Variants in KIF13A observed in about 807,000 individuals in gnomAD.
KIF13A encodes kinesin family member 13A, also known as kinesin-like protein KIF13A.
In KIF13A, 79 loss-of-function variants were observed where a neutral mutation model predicts 212.2. The observed-to-expected ratio is 0.37, with a 90% CI of 0.31 to 0.45. KIF13A has a LOEUF of 0.45. KIF13A is among the 20% of genes least tolerant of loss of function. The pLI is 1.00. For synonymous variants in KIF13A, 789 were observed against 808.6 expected (o/e 0.98, Z 0.41); for missense variants, 1,901 against 2,209.0 (o/e 0.86, Z 2.79).
In KIF13A at chr6:17,843,826, C is replaced by T. The variant is rs899357427; in HGVS notation, c.830+5551G>A. ...TTTGGAGGCCGAGGGGGGCACATCA[C>T]CTGAGGTCAGGAGTTTGAGACCAGC... On this transcript the variant is annotated intron_variant, in intron 9 of 38. Coordinates refer to ENST00000259711, the MANE Select transcript of KIF13A (RefSeq NM_022113.6). This position sits in a 1 kb window ranked among gnomAD's most constrained non-coding sequence, Gnocchi z 5.3. Among the ~76,000 whole-genome samples, 1 of 152,118 alleles carries T rather than the reference C, an allele frequency of 6.6e-6. No individual in the cohort carries two copies. Among genetic ancestry groups the T allele is most frequent in the Non-Finnish European group, 1.5e-5 (1 of 68,024 alleles).
chr6:17,856,258 T>C lies in KIF13A; in HGVS notation c.221-136A>G, dbSNP rs977629796. On this transcript the variant is annotated intron_variant, in intron 4 of 38. Transcript: ENST00000259711. This position sits in a 1 kb window ranked among gnomAD's most constrained non-coding sequence, Gnocchi z 4.5. ...CGAGTGCCCACTAAGTACAGGGCTG[T>C]GTATTAAGAGCTTGATATATGCAAT... 9 of 620,838 alleles carry C rather than the reference T, an allele frequency of 1.4e-5. No individual in the cohort carries two copies. The highest frequency in any genetic ancestry group is 2.6e-5 in the Non-Finnish European group (9 of 352,618). 38.5% of individuals were successfully genotyped at this position (620,838 alleles called of 1,614,324 possible).
chr6:17,965,280 T>C (rs775519685), intron 2 of KIF13A, among the ~76,000 whole-genome samples: 2 of 152,038 alleles, frequency 1.3e-5, no homozygotes, highest in Admixed American at 1.3e-4. Context: ...TGTCTGCAAA[T>C]TTACTTAGGT....
At chr6:17,920,181 C>A (rs773018191) in intron 2 of KIF13A, among the ~76,000 whole-genome samples, 2 of 152,046 alleles carry the variant, frequency 1.3e-5, no homozygotes, top group East Asian at 1.9e-4. Flanking sequence ...CAATGAGGCA[C>A]GAAATGAAAA....
chr6:17,949,269 ATAAGT>A (rs1239971372), intron 2 of KIF13A, among the ~76,000 whole-genome samples: 1 of 152,204 alleles, frequency 6.6e-6, no homozygotes. Flanking sequence ...TAGCTCAATG[ATAAGT>A]TAATTACTAG....
At position 17,984,155 on chromosome 6, in the gene KIF13A, A is replaced by G. The variant is rs1032387450; in HGVS notation, c.146+2899T>C. 6.6e-6 allele frequency among the ~76,000 whole-genome samples: 1 copy of G among 152,192 alleles called. No homozygotes were observed. The highest frequency in any genetic ancestry group is 1.5e-5 in the Non-Finnish European group (1 of 68,034). On this transcript the variant is annotated intron_variant, in intron 2 of 38. Transcript: ENST00000259711. The surrounding 1 kb of genome is among the most constrained non-coding windows in gnomAD (Gnocchi z 5.0). Reference sequence around the variant, plus strand: ...GAAAGAGGAAACAGAGAATTTTGAAATTATGTGGTTCATGAAATGGCAAAA... The same window carrying G: ...GAAAGAGGAAACAGAGAATTTTGAAGTTATGTGGTTCATGAAATGGCAAAA...
rs369532909 is a variant in KIF13A, at chr6:17,764,070, C to T, written c.*40G>A. 320 of 1,579,154 alleles carry T rather than the reference C, an allele frequency of 2.0e-4. No homozygotes were observed. The highest frequency in any genetic ancestry group is 2.6e-4 in the Non-Finnish European group (298 of 1,161,750). ...ATGAATCTTTCCTACCAAGTTGTTG[C>T]GGTGAAGGGCCTCTGGGGTTGACAT... On this transcript the variant is annotated 3_prime_UTR_variant, in exon 39 of 39. Coordinates refer to ENST00000259711, the MANE Select transcript of KIF13A (RefSeq NM_022113.6). The surrounding 1 kb of genome is among the most constrained non-coding windows in gnomAD (Gnocchi z 5.1).
Position 17,811,433 on chromosome 6 carries a change from C to T in KIF13A, c.2001-2503G>A, listed in dbSNP as rs1763414158. 6.6e-6 allele frequency among the ~76,000 whole-genome samples: 1 copy of T among 152,206 alleles called. No homozygotes were observed. Among genetic ancestry groups the T allele is most frequent in the Non-Finnish European group, 1.5e-5 (1 of 68,046 alleles). ...AACAAATAACTATTAATATATAATCCTAACGTTTCCTATTGTTGAATGAAA... is the reference window on the plus strand; with the variant it reads ...AACAAATAACTATTAATATATAATCTTAACGTTTCCTATTGTTGAATGAAA... On this transcript the variant is annotated intron_variant, in intron 17 of 38. Transcript: ENST00000259711. The surrounding 1 kb of genome is among the most constrained non-coding windows in gnomAD (Gnocchi z 6.0).
In KIF13A at chr6:17,787,923, G is replaced by A. The variant is rs548703811; in HGVS notation, c.3262-48C>T. 2.4e-5 allele frequency: 24 copies of A among 995,776 alleles called. No individual in the cohort carries two copies. Among genetic ancestry groups the A allele is most frequent in the South Asian group, 1.5e-4 (11 of 72,562 alleles). The allele number at this position is 995,776 out of a possible 1,614,324, so 61.7% of individuals were successfully genotyped here. ...TTTTCCTGTAGACTGCACAGACAACGATTTCTTTCTTTCTTTTTTTAAAAG... is the reference window on the plus strand; with the variant it reads ...TTTTCCTGTAGACTGCACAGACAACAATTTCTTTCTTTCTTTTTTTAAAAG... On this transcript the variant is annotated intron_variant, in intron 26 of 38. Coordinates refer to ENST00000259711, the MANE Select transcript of KIF13A (RefSeq NM_022113.6). The surrounding 1 kb of genome is among the most constrained non-coding windows in gnomAD (Gnocchi z 4.6).
chr6:17,985,640 T>TGGGGGGGGGGGGGGGGGGGGGGG (rs1457148104), intron 2 of KIF13A, among the ~76,000 whole-genome samples: 1 of 40,886 alleles, frequency 2.4e-5, no homozygotes, highest in Non-Finnish European at 4.2e-5. Context: ...TGCGGGGGGG[T>TGGGGGGGGGGGGGGGGGGGGGGG]GGGGGGAGGG....
intron 2 of KIF13A, among the ~76,000 whole-genome samples, chr6:17,943,730 C>T (rs1777142959): frequency 6.6e-6 from 1 of 152,120 alleles, no homozygotes; most frequent in South Asian, 2.1e-4. Flanking sequence ...AATAACTAAA[C>T]TCTATAAAGC....
chr6:17,937,755 T>TG (rs1007455012), intron 2 of KIF13A, among the ~76,000 whole-genome samples: 16 of 137,310 alleles, frequency 1.2e-4, no homozygotes, highest in South Asian at 9.9e-4. Flanking sequence ...TGTTTTTTTT[T>TG]TTTTGTTTTT....
chr6:17,805,096 C>CG (rs1762827421), intron 19 of KIF13A, among the ~76,000 whole-genome samples: 2 of 152,016 alleles, frequency 1.3e-5, no homozygotes, highest in South Asian at 4.1e-4. Flanking sequence ...GGTGCGTGAA[C>CG]ACACATTAAT....
chr6:17,823,642 AT>A (rs2150362590), intron 16 of KIF13A, among the ~76,000 whole-genome samples: 1 of 151,406 alleles, frequency 6.6e-6, no homozygotes, highest in East Asian at 2.0e-4. Flanking sequence ...TAATTTTTGT[AT>A]TTTTAGTAGA....
In KIF13A at chr6:17,829,701, C is replaced by T. The variant is rs3927461; in HGVS notation, c.1402-1331G>A. Among the ~76,000 whole-genome samples the T allele has an allele frequency of 0.43, 65,442 of 151,864 alleles. 15,056 individuals are homozygous for T. Among genetic ancestry groups the T allele is most frequent in the South Asian group, 0.54 (2,596 of 4,812 alleles). On this transcript the variant is annotated intron_variant, in intron 13 of 38. Coordinates refer to ENST00000259711, the MANE Select transcript of KIF13A (RefSeq NM_022113.6). The surrounding 1 kb of genome is among the most constrained non-coding windows in gnomAD (Gnocchi z 5.4). The stretch of plus-strand genomic sequence containing the variant: ...AGTATAAGGATTGGTCTTTCAAAAT[C>T]AGGATTTCAGAGACAATTCCTTACC...
At chr6:17,940,824 T>TTA (rs796188430) in intron 2 of KIF13A, among the ~76,000 whole-genome samples, 6 of 26,338 alleles carry the variant, frequency 2.3e-4, no homozygotes, top group South Asian at 2.1e-3. Context: ...TTTATTTTTT[T>TTA]TTTTTTTTTT....
In KIF13A at chr6:17,982,465, A is replaced by C; in HGVS notation, c.146+4589T>G. Reference sequence around the variant, plus strand: ...GATACCGCTGGTGAATAAACTAAAAAATACATACAAAGTTTAGTAAGAGGA... The same window carrying C: ...GATACCGCTGGTGAATAAACTAAAACATACATACAAAGTTTAGTAAGAGGA... On this transcript the variant is annotated intron_variant, in intron 2 of 38. Transcript: ENST00000259711. The surrounding 1 kb of genome is among the most constrained non-coding windows in gnomAD (Gnocchi z 5.1). 3 of 980,792 alleles carry C rather than the reference A, an allele frequency of 3.1e-6. No individual in the cohort carries two copies. The South Asian group carries it at 1.4e-4, about 46-fold the overall frequency. The allele number at this position is 980,792 out of a possible 1,614,324, so 60.8% of individuals were successfully genotyped here. A position where few individuals can be genotyped will look rare whatever the true frequency, so the allele number is the denominator to read the frequency against.
At chr6:17,948,153 C>T (rs1396129823) in intron 2 of KIF13A, among the ~76,000 whole-genome samples, 2 of 152,124 alleles carry the variant, frequency 1.3e-5, no homozygotes, top group South Asian at 4.1e-4. Context: ...AATCACATAA[C>T]CGAGTTACTT....
chr6:17,767,951 T>C (rs1309529833), intron 38 of KIF13A, among the ~76,000 whole-genome samples: 1 of 152,050 alleles, frequency 6.6e-6, no homozygotes, highest in African/African-American at 2.4e-5. Context: ...TAAGTTCAAA[T>C]AGGGAGCAGT....
intron 2 of KIF13A, among the ~76,000 whole-genome samples, chr6:17,966,610 A>G (rs911911724): frequency 8.5e-5 from 13 of 152,112 alleles, no homozygotes; most frequent in Admixed American, 2.6e-4. Flanking sequence ...TCTAATCCCA[A>G]CACAACACAG....
Sources: gnomAD v4.1 joint callset for allele counts (sites outside exome capture counted in the v4.1 genomes callset) on GRCh38, gnomAD v4.1.1 for gene constraint, Gnocchi (gnomAD v3.1) non-coding constraint, MANE v1.5 for transcripts, NCBI Gene and HGNC (gene_info 2026-07-23, HGNC 2026-07-21) for gene names.